Variants in SPATS2 observed in about 807,000 individuals in gnomAD.
SPATS2 encodes spermatogenesis associated serine rich 2.
A neutral mutation model predicts 63.7 loss-of-function variants in SPATS2; 38 were observed. The observed-to-expected ratio is 0.60, with a 90% CI of 0.46 to 0.78. The LOEUF (loss-of-function observed/expected upper bound fraction) is 0.78, where lower values mean the gene tolerates loss of function less well. Ranked by LOEUF, SPATS2 falls within the 30% of genes least tolerant of loss-of-function variation. The probability of loss-of-function intolerance (pLI) is 0.00; values close to 1 mark genes in which losing one functional copy is unlikely to be tolerated. For synonymous variants in SPATS2, 207 were observed against 232.9 expected (o/e 0.89, Z 1.01); for missense variants, 588 against 666.2 (o/e 0.88, Z 1.29).
In SPATS2 at chr12:49,503,166, A is replaced by G. The variant is rs193013395; in HGVS notation, c.839+2961A>G. Among the ~76,000 whole-genome samples the G allele has an allele frequency of 4.7e-4, 72 of 152,224 alleles. No homozygotes were observed. In the South Asian group the frequency reaches 0.012, roughly 26 times the overall value. ...AGAGTTCAAGACCAGCTTGGCCAAC[A>G]TGGTGAAACCCCATCTCTACTAAAC... is the stretch of plus-strand genomic sequence containing the variant. On this transcript the variant is annotated intron_variant, in intron 9 of 13. Transcript: ENST00000552918.
chr12:49,522,910 C>A, intron 12 of SPATS2, 57 bp downstream of exon 12: 1 of 1,435,008 alleles, frequency 7.0e-7, no homozygotes, highest in Non-Finnish European at 9.7e-7. Flanking sequence ...TAGAGACTGA[C>A]GTGCTGATTG....
intron 2 of SPATS2, among the ~76,000 whole-genome samples, chr12:49,398,393 A>G (rs1300350487): frequency 6.6e-6 from 1 of 152,170 alleles, no homozygotes; most frequent in African/African-American, 2.4e-5. Context: ...TTGGAACGTT[A>G]CAGAATATTG....
At chr12:49,420,084 G>C (rs916181418) in intron 2 of SPATS2, among the ~76,000 whole-genome samples, 2 of 152,198 alleles carry the variant, frequency 1.3e-5, no homozygotes, top group Non-Finnish European at 2.9e-5. Context: ...CAATGGCTAT[G>C]CTTCTTAGAG....
chr12:49,504,285 G>A (rs78110910), intron 9 of SPATS2, among the ~76,000 whole-genome samples: 3,371 of 152,142 alleles, frequency 0.022, 117 homozygotes, highest in African/African-American at 0.077. Flanking sequence ...CCTATAGAAA[G>A]GTAAACTCAG....
intron 11 of SPATS2, among the ~76,000 whole-genome samples, chr12:49,522,187 A>G (rs909925168): frequency 6.6e-6 from 1 of 152,028 alleles, no homozygotes; most frequent in African/African-American, 2.4e-5. Flanking sequence ...GTCTGCTTAA[A>G]AGGATTAAAT....
rs1262928272 is a variant in SPATS2 at position 49,460,983 on chromosome 12, T to G, written c.-30T>G. On this transcript the variant is annotated 5_prime_UTR_variant, in exon 3 of 14. Transcript: ENST00000552918. ...AGACAAGGCAAAAGGATACTTTTCT[T>G]GTATATTTTTTGAGATCGAAGAAAC... The G allele has an allele frequency of 1.9e-6, 3 of 1,613,214 alleles. No homozygotes were observed. Among genetic ancestry groups the G allele is most frequent in the East Asian group, 2.2e-5 (1 of 44,844 alleles).
Position 49,494,790 on chromosome 12 carries a change from G to A in SPATS2, c.314G>A (p.Gly105Asp), listed in dbSNP as rs1482915302. Residue 105 changes from glycine to aspartate, a missense_variant, in exon 7 of 14, where the codon GGC becomes GAC. Physicochemically the swap from Gly to Asp is moderately conservative, Grantham distance 94. Coordinates refer to ENST00000552918, the MANE Select transcript of SPATS2 (RefSeq NM_023071.4). ...KPKPAAEPSNGIPDSSKSVSI... is the reference protein window; with the variant it reads ...KPKPAAEPSNDIPDSSKSVSI... ...AAACCTGCCGCAGAACCAAGTAACG[G>A]CATCCCAGATTCCAGTAAATCAGTT... 35 of 1,610,586 alleles carry A rather than the reference G, an allele frequency of 2.2e-5. No homozygotes were observed. Among genetic ancestry groups the A allele is most frequent in the Non-Finnish European group, 2.7e-5 (32 of 1,178,442 alleles).
At chr12:49,478,931 A>G (rs1036306790) in intron 3 of SPATS2, among the ~76,000 whole-genome samples, 2 of 151,988 alleles carry the variant, frequency 1.3e-5, no homozygotes, top group East Asian at 3.9e-4. Flanking sequence ...CTCAGCGGAG[A>G]CCCGCAGTGG....
intron 2 of SPATS2, among the ~76,000 whole-genome samples, chr12:49,427,298 CTT>C (rs1945097833): frequency 6.6e-6 from 1 of 152,118 alleles, no homozygotes; most frequent in Admixed American, 6.5e-5. Context: ...AAAAAAGAAT[CTT>C]ATGTTGTATG....
chr12:49,416,361 G>A (rs552374486), intron 2 of SPATS2, among the ~76,000 whole-genome samples: 10 of 152,176 alleles, frequency 6.6e-5, no homozygotes, highest in Non-Finnish European at 1.3e-4. Context: ...AGCCTTAACA[G>A]CTGGTGTTTC....
intron 4 of SPATS2, among the ~76,000 whole-genome samples, chr12:49,488,152 C>G (rs1363144358): frequency 6.6e-6 from 1 of 151,886 alleles, no homozygotes; most frequent in African/African-American, 2.4e-5. Context: ...TCAAGTGATT[C>G]TCCTACCTCA....
At chr12:49,521,967 G>C (rs762554664) in intron 11 of SPATS2, among the ~76,000 whole-genome samples, 3 of 151,266 alleles carry the variant, frequency 2.0e-5, no homozygotes, top group Non-Finnish European at 2.9e-5. Context: ...GCTCTGAGGG[G>C]TTCAGTTCTT....
At chr12:49,439,546 T>A (rs1945378943) in intron 2 of SPATS2, among the ~76,000 whole-genome samples, 1 of 152,184 alleles carries the variant, frequency 6.6e-6, no homozygotes, top group Non-Finnish European at 1.5e-5. Context: ...ATCGTTTGGT[T>A]GTGGTATCTG....
At chr12:49,495,040 G>C (rs745716578) in intron 7 of SPATS2, 38 bp downstream of exon 7, 15 of 1,497,526 alleles carry the variant, frequency 1.0e-5, no homozygotes, top group Non-Finnish European at 1.3e-5. Flanking sequence ...GTTGCATTCA[G>C]TTGAAAAACA....
At chr12:49,415,758 G>A (rs549784011) in intron 2 of SPATS2, among the ~76,000 whole-genome samples, 2 of 152,052 alleles carry the variant, frequency 1.3e-5, no homozygotes, top group East Asian at 3.9e-4. Flanking sequence ...AGGCTTTTTG[G>A]GCCATATGAT....
chr12:49,399,905 C>T (rs989799055), intron 2 of SPATS2, among the ~76,000 whole-genome samples: 2 of 152,078 alleles, frequency 1.3e-5, no homozygotes, highest in Admixed American at 6.6e-5. Flanking sequence ...GGCGTGGTGG[C>T]AGGTGCCTTA....
chr12:49,376,658 A>G (rs150498233), intron 2 of SPATS2, among the ~76,000 whole-genome samples: 7 of 151,242 alleles, frequency 4.6e-5, no homozygotes, highest in Non-Finnish European at 1.0e-4. Flanking sequence ...TGGCCTCTCA[A>G]AGTGCTGAGA....
chr12:49,383,225 G>T (rs1177849005), intron 2 of SPATS2, among the ~76,000 whole-genome samples: 1 of 151,886 alleles, frequency 6.6e-6, no homozygotes, highest in Non-Finnish European at 1.5e-5. Context: ...CACCATGTTT[G>T]CCAGGCTGGT....
chr12:49,433,188 G>C (rs923131306), intron 2 of SPATS2, among the ~76,000 whole-genome samples: 1 of 152,046 alleles, frequency 6.6e-6, no homozygotes, highest in African/African-American at 2.4e-5. Flanking sequence ...TGTTTGAGAC[G>C]GAGTCTCTCT....
Sources: allele counts gnomAD v4.1 joint callset (sites outside exome capture counted in the v4.1 genomes callset), GRCh38; gene constraint gnomAD v4.1.1; transcripts MANE v1.5; gene names NCBI Gene and HGNC (gene_info 2026-07-23, HGNC 2026-07-21).